The following PLEKHG7 variants were observed in gnomAD, a reference collection of about 807,000 sequenced individuals.
The protein encoded by PLEKHG7 is pleckstrin homology domain-containing family G member 7.
PLEKHG7 carries 77 observed loss-of-function variants against 85.2 expected under a neutral mutation model. That is an observed-to-expected ratio of 0.90 (90% CI 0.75 to 1.09). The LOEUF (loss-of-function observed/expected upper bound fraction) is 1.09. Among genes scored for constraint, PLEKHG7 ranks in the 50% least tolerant of loss-of-function variants. PLEKHG7 has a pLI of 0.00. For synonymous variants in PLEKHG7, 301 were observed against 302.4 expected, an observed-to-expected ratio of 1.00 and a Z score of 0.05; for missense variants, 777 against 804.3, an observed-to-expected ratio of 0.97 and a Z score of 0.41.
intron 7 of PLEKHG7, among the ~76,000 whole-genome samples, chr12:92,739,874 C>T (rs1872297887): frequency 6.6e-6 from 1 of 152,162 alleles, no homozygotes; most frequent in South Asian, 2.1e-4. Flanking sequence ...AACCAATACT[C>T]CATGGATTTT....
chr12:92,746,790 T>C (rs1419205236), intron 10 of PLEKHG7, among the ~76,000 whole-genome samples: 3 of 152,184 alleles, frequency 2.0e-5, no homozygotes, highest in African/African-American at 7.2e-5. Context: ...AACAACACTC[T>C]CTTGAGTAAA....
At position 92,736,510 on chromosome 12, in the gene PLEKHG7, A is replaced by G. The variant is rs1872154091; in HGVS notation, c.728A>G (p.Asp243Gly). Residue 243 changes from aspartate (D) to glycine (G), a missense_variant, in exon 6 of 17, where the codon GAT becomes GGT. By Grantham distance (94) the Asp-to-Gly change is moderately conservative. Around this residue, in one of 3 missense-constraint regions of PLEKHG7, gnomAD observed 520 missense variants for 544.0 expected, o/e 0.96. Coordinates refer to ENST00000344636, the MANE Select transcript of PLEKHG7 (RefSeq NM_001377329.1). ...VGKDKHKHISDLENCLSSVKI... is the reference protein window; with the variant it reads ...VGKDKHKHISGLENCLSSVKI... ...AAAGACAAACACAAGCACATATCTGATCTGGAAAACTGCCTGTCCTCTGTG... is the reference window on the plus strand; with the variant it reads ...AAAGACAAACACAAGCACATATCTGGTCTGGAAAACTGCCTGTCCTCTGTG... The G allele has an allele frequency of 4.9e-6, 6 of 1,231,970 alleles. No individual in the cohort carries two copies. The highest frequency in any genetic ancestry group is 6.2e-4 in the Middle Eastern group (2 of 3,204). 76.3% of individuals were successfully genotyped at this position (1,231,970 alleles called of 1,614,324 possible). A position where few individuals can be genotyped will look rare whatever the true frequency, so the allele number is the denominator to read the frequency against.
At chr12:92,739,116 C>T (rs757448194) in intron 7 of PLEKHG7, among the ~76,000 whole-genome samples, 4 of 152,258 alleles carry the variant, frequency 2.6e-5, no homozygotes, top group Non-Finnish European at 5.9e-5. Context: ...TAGCCACATC[C>T]TATGGCTGGC....
intron 10 of PLEKHG7, chr12:92,749,537 GCTTA>G (rs1872627940): frequency 6.6e-6 from 1 of 152,092 alleles, no homozygotes; most frequent in Admixed American, 6.6e-5. Flanking sequence ...CAATCCTCCT[GCTTA>G]CTATTTTAGA....
intron 14 of PLEKHG7, among the ~76,000 whole-genome samples, chr12:92,762,630 TAG>T (rs1264364375): frequency 6.6e-6 from 1 of 152,196 alleles, no homozygotes; most frequent in Non-Finnish European, 1.5e-5. Context: ...TGGTATCAAG[TAG>T]AGAAGTTTAT....
chr12:92,768,238 G>A (rs1429799571), intron 15 of PLEKHG7, among the ~76,000 whole-genome samples: 2 of 151,938 alleles, frequency 1.3e-5, no homozygotes, highest in Admixed American at 1.3e-4. Context: ...AAAAAAGAAT[G>A]TGTAAGCTTC....
At chr12:92,753,185 T>C (rs1028024193) in intron 10 of PLEKHG7, among the ~76,000 whole-genome samples, 2 of 152,106 alleles carry the variant, frequency 1.3e-5, no homozygotes, top group Admixed American at 6.5e-5. Flanking sequence ...TTGGTGTGAG[T>C]GTTCAGGGTA....
chr12:92,705,120 G>C (rs551187090), intron 1 of PLEKHG7, among the ~76,000 whole-genome samples: 1 of 152,208 alleles, frequency 6.6e-6, no homozygotes, highest in Non-Finnish European at 1.5e-5. Context: ...AGTACAAAAA[G>C]CATAGTGAGA....
At chr12:92,755,400 C>CA (rs1872798179) in intron 11 of PLEKHG7, among the ~76,000 whole-genome samples, 1 of 151,554 alleles carries the variant, frequency 6.6e-6, no homozygotes, top group South Asian at 2.1e-4. Flanking sequence ...GAGTTCCTAC[C>CA]AAAAAAGAAA....
chr12:92,705,586 C>T (rs576810650), intron 1 of PLEKHG7, among the ~76,000 whole-genome samples: 29 of 152,364 alleles, frequency 1.9e-4, no homozygotes, highest in African/African-American at 6.7e-4. Flanking sequence ...AAACAATCCA[C>T]GCACAGTCTG....
At chr12:92,765,336 A>C (rs2136634206) in intron 15 of PLEKHG7, among the ~76,000 whole-genome samples, 1 of 151,582 alleles carries the variant, frequency 6.6e-6, no homozygotes, top group Non-Finnish European at 1.5e-5. Context: ...AAAAAAAAAA[A>C]AAAAAAAAAT....
At chr12:92,734,952 C>A (rs570075842) in intron 5 of PLEKHG7, among the ~76,000 whole-genome samples, 3 of 152,278 alleles carry the variant, frequency 2.0e-5, no homozygotes, top group East Asian at 1.9e-4. Flanking sequence ...ACAATGGAGG[C>A]AAGAAGGTAC....
intron 13 of PLEKHG7, 115 bp from the exon 14 acceptor site, chr12:92,761,634 GAAA>G (rs1873014563): frequency 7.2e-6 from 2 of 278,134 alleles, no homozygotes; most frequent in Non-Finnish European, 9.9e-6. Flanking sequence ...AAGAAAGAAA[GAAA>G]GAAAGAAAGA....
intron 15 of PLEKHG7, among the ~76,000 whole-genome samples, chr12:92,766,383 C>A (rs1873197489): frequency 6.6e-6 from 1 of 152,144 alleles, no homozygotes; most frequent in Non-Finnish European, 1.5e-5. Context: ...CCAGAACACC[C>A]ATGAGGAAGA....
chr12:92,711,091 C>T (rs113728886), intron 3 of PLEKHG7, among the ~76,000 whole-genome samples: 4 of 152,314 alleles, frequency 2.6e-5, no homozygotes, highest in Admixed American at 6.5e-5. Context: ...AGTATATAAT[C>T]GCACATCTGG....
intron 5 of PLEKHG7, among the ~76,000 whole-genome samples, chr12:92,736,095 G>A (rs1160039651): frequency 6.6e-6 from 1 of 152,106 alleles, no homozygotes. Context: ...ATATGTCTGA[G>A]GTACCTTCTG....
At chr12:92,710,702 A>G (rs1362095602) in intron 3 of PLEKHG7, among the ~76,000 whole-genome samples, 1 of 152,188 alleles carries the variant, frequency 6.6e-6, no homozygotes, top group Admixed American at 6.5e-5. Flanking sequence ...CAAACTGGGC[A>G]CTCAGAAGTG....
intron 9 of PLEKHG7, among the ~76,000 whole-genome samples, chr12:92,744,726 C>T (rs1284786485): frequency 3.3e-5 from 5 of 150,402 alleles, no homozygotes; most frequent in African/African-American, 7.4e-5. Flanking sequence ...AGTGCAATGG[C>T]GCGATCTCAG....
intron 3 of PLEKHG7, among the ~76,000 whole-genome samples, chr12:92,725,789 A>G (rs550132007): frequency 6.6e-6 from 1 of 152,326 alleles, no homozygotes; most frequent in South Asian, 2.1e-4. Context: ...AAATTTTGGC[A>G]AAGGCTAAAA....
Sources: allele counts gnomAD v4.1 joint callset (sites outside exome capture counted in the v4.1 genomes callset), GRCh38; gene constraint gnomAD v4.1.1; regional missense constraint gnomAD v4.1.1; transcripts MANE v1.5; gene names NCBI Gene and HGNC (gene_info 2026-07-23, HGNC 2026-07-21).